TBL1XR1: variants seen among roughly 807,000 people sequenced by gnomAD.
The protein encoded by TBL1XR1 is F-box-like/WD repeat-containing protein TBL1XR1.
In TBL1XR1, 5 loss-of-function variants were observed where a neutral mutation model predicts 66.9. The observed-to-expected ratio is 0.07, with a 90% CI of 0.04 to 0.16. TBL1XR1 has a LOEUF of 0.16. TBL1XR1 is among the 10% of genes least tolerant of loss of function. TBL1XR1 has a pLI of 1.00. For synonymous variants in TBL1XR1, 210 were observed against 206.0 expected, an observed-to-expected ratio of 1.02 and a Z score of -0.17; for missense variants, 238 against 623.2, an observed-to-expected ratio of 0.38 and a Z score of 6.58.
rs866385577 is a variant in TBL1XR1 at position 177,042,073 on chromosome 3, T to C, written c.926-3639A>G. Among the ~76,000 whole-genome samples, 11 of 152,334 alleles carry C rather than the reference T, an allele frequency of 7.2e-5. No homozygotes were observed. In the South Asian group the frequency reaches 2.1e-3, roughly 29 times the overall value. On this transcript the variant is annotated intron_variant, in intron 10 of 15. Coordinates refer to ENST00000457928, the MANE Select transcript of TBL1XR1 (RefSeq NM_024665.7). ...ATTAAATTCCCTTTATTGGAGTGTCTAGTTTACACGTCGTTTTCCTCCATG... is the reference window on the plus strand; with the variant it reads ...ATTAAATTCCCTTTATTGGAGTGTCCAGTTTACACGTCGTTTTCCTCCATG...
chr3:177,124,975 GA>G (rs1241958343), intron 1 of TBL1XR1, among the ~76,000 whole-genome samples: 1 of 151,838 alleles, frequency 6.6e-6, no homozygotes, highest in Non-Finnish European at 1.5e-5. Flanking sequence ...ACACTTAGAA[GA>G]AAACATACAG....
At chr3:177,080,350 G>C (rs1442347614) in intron 2 of TBL1XR1, among the ~76,000 whole-genome samples, 1 of 152,058 alleles carries the variant, frequency 6.6e-6, no homozygotes, top group South Asian at 2.1e-4. Flanking sequence ...AGTAAATCTA[G>C]AAAATAGTAC....
chr3:177,143,289 G>A (rs1729840912), intron 1 of TBL1XR1, among the ~76,000 whole-genome samples: 1 of 151,804 alleles, frequency 6.6e-6, no homozygotes, highest in Non-Finnish European at 1.5e-5. Flanking sequence ...TATTCCCGTA[G>A]GAGCGATGCT....
intron 1 of TBL1XR1, among the ~76,000 whole-genome samples, chr3:177,134,983 G>GTGTC (rs1553852580): frequency 4.8e-5 from 7 of 145,484 alleles, no homozygotes; most frequent in Non-Finnish European, 1.1e-4. Context: ...GTGTGTCTGT[G>GTGTC]TGTGTGTGTT....
intron 1 of TBL1XR1, among the ~76,000 whole-genome samples, chr3:177,171,146 A>AG (rs1733441118): frequency 1.3e-5 from 2 of 151,332 alleles, no homozygotes; most frequent in Non-Finnish European, 2.9e-5. Flanking sequence ...TTTAAGACAC[A>AG]CCTGACCAAT....
upstream of TBL1XR1, among the ~76,000 whole-genome samples, chr3:177,199,532 C>T (rs7648625): frequency 0.56 from 84,368 of 151,720 alleles, 23,783 homozygotes; most frequent in East Asian, 0.75. Context: ...CGGGCGGGTC[C>T]TCTCCATACA....
intron 1 of TBL1XR1, among the ~76,000 whole-genome samples, chr3:177,155,219 C>A (rs1316751571): frequency 6.6e-6 from 1 of 152,100 alleles, no homozygotes; most frequent in Non-Finnish European, 1.5e-5. Flanking sequence ...GCGCTAATAT[C>A]AATGCAACAG....
intron 12 of TBL1XR1, among the ~76,000 whole-genome samples, chr3:177,035,543 A>G (rs1418874661): frequency 6.6e-6 from 1 of 151,806 alleles, no homozygotes; most frequent in Non-Finnish European, 1.5e-5. Flanking sequence ...CCTCCAGAGT[A>G]GCTGGGATTA....
At chr3:177,156,520 C>CAT (rs1560239147) in intron 1 of TBL1XR1, among the ~76,000 whole-genome samples, 1 of 48,028 alleles carries the variant, frequency 2.1e-5, no homozygotes, top group African/African-American at 7.5e-5. Context: ...TATATACATA[C>CAT]ACACACACAC....
chr3:177,078,554 C>T (rs921490807), intron 2 of TBL1XR1: 2 of 149,638 alleles, frequency 1.3e-5, no homozygotes, highest in African/African-American at 5.0e-5. Context: ...CACCACTGCA[C>T]TCCAGCTGGG....
At chr3:177,187,495 T>C (rs1735567952) in intron 1 of TBL1XR1, among the ~76,000 whole-genome samples, 1 of 152,146 alleles carries the variant, frequency 6.6e-6, no homozygotes, top group Admixed American at 6.6e-5. Flanking sequence ...AGGTAACATT[T>C]CATCTGATCA....
intron 1 of TBL1XR1, among the ~76,000 whole-genome samples, chr3:177,138,306 G>C (rs1013795101): frequency 6.6e-6 from 1 of 152,170 alleles, no homozygotes; most frequent in Non-Finnish European, 1.5e-5. Context: ...TATAAAAGGT[G>C]GGCATTCGCT....
At chr3:177,165,080 A>G (rs1041594910) in intron 1 of TBL1XR1, among the ~76,000 whole-genome samples, 6 of 152,218 alleles carry the variant, frequency 3.9e-5, no homozygotes, top group African/African-American at 1.4e-4. Flanking sequence ...CAATAAGAAA[A>G]GGTAAAGAAT....
intron 1 of TBL1XR1, among the ~76,000 whole-genome samples, chr3:177,178,128 C>A (rs1370390874): frequency 2.0e-5 from 3 of 152,160 alleles, no homozygotes; most frequent in African/African-American, 4.8e-5. Context: ...GGGTGTGGAG[C>A]TGGAATGGCT....
intron 2 of TBL1XR1, among the ~76,000 whole-genome samples, chr3:177,090,014 T>C (rs1406554691): frequency 6.6e-6 from 1 of 152,166 alleles, no homozygotes; most frequent in Non-Finnish European, 1.5e-5. Context: ...GAAAGGAACA[T>C]AAGATGGCAT....
intron 1 of TBL1XR1, among the ~76,000 whole-genome samples, chr3:177,175,917 C>T (rs140760252): frequency 0.032 from 4,805 of 151,466 alleles, 254 homozygotes; most frequent in African/African-American, 0.11. Context: ...ATTAGCCGGG[C>T]GTGGTGGTGG....
chr3:177,098,061 T>C (rs919854730), intron 2 of TBL1XR1, among the ~76,000 whole-genome samples: 3 of 151,788 alleles, frequency 2.0e-5, no homozygotes, highest in Admixed American at 1.3e-4. Context: ...TACAAAAAAT[T>C]AGCTGGGCGT....
chr3:177,137,464 C>T (rs1449371232), intron 1 of TBL1XR1, among the ~76,000 whole-genome samples: 1 of 152,138 alleles, frequency 6.6e-6, no homozygotes, highest in East Asian at 1.9e-4. Context: ...CCACACTCCA[C>T]TGGGTAACAG....
intron 2 of TBL1XR1, among the ~76,000 whole-genome samples, chr3:177,096,869 G>C (rs1178979532): frequency 6.6e-6 from 1 of 152,080 alleles, no homozygotes; most frequent in Admixed American, 6.6e-5. Context: ...CTTGGCTTGG[G>C]GGGTGGGGAC....
Sources: allele counts gnomAD v4.1 joint callset (sites outside exome capture counted in the v4.1 genomes callset), GRCh38; gene constraint gnomAD v4.1.1; transcripts MANE v1.5; gene names NCBI Gene and HGNC (gene_info 2026-07-23, HGNC 2026-07-21).